MTRFR: variants seen among roughly 807,000 people sequenced by gnomAD.
MTRFR encodes the protein probable peptide chain release factor C12orf65, mitochondrial.
MTRFR carries 10 observed loss-of-function variants against 11.9 expected under a neutral mutation model. The observed-to-expected ratio is 0.84, with a 90% CI of 0.52 to 1.42. The LOEUF (loss-of-function observed/expected upper bound fraction) is 1.42. Ranked by LOEUF, MTRFR falls within the 40% of genes most tolerant of loss-of-function variation. The pLI, the probability that MTRFR is intolerant of heterozygous loss-of-function variation, is 0.00. For missense variants in MTRFR, 196 were observed against 197.9 expected (o/e 0.99, Z 0.06); for synonymous variants, 77 against 79.1 (o/e 0.97, Z 0.14).
intron 2 of MTRFR, 54 bp from the exon 3 acceptor site, chr12:123,256,754 GGTCCT>G: frequency 7.7e-7 from 1 of 1,296,064 alleles, no homozygotes; most frequent in Non-Finnish European, 1.1e-6. Context: ...TGACTTCTGA[GGTCCT>G]GTCCATTTTT....
intron 1 of MTRFR, among the ~76,000 whole-genome samples, chr12:123,252,867 G>C (rs1272832750): frequency 6.6e-6 from 1 of 152,084 alleles, no homozygotes; most frequent in African/African-American, 2.4e-5. Context: ...GGAGGTTGCA[G>C]TGAGCCAAGA....
chr12:123,244,416 G>A (rs2048001941), intron 1 of MTRFR, among the ~76,000 whole-genome samples: 1 of 151,770 alleles, frequency 6.6e-6, no homozygotes, highest in Admixed American at 6.6e-5. Flanking sequence ...TGGGCAGCAA[G>A]AGCGAAACTC....
chr12:123,234,586 G>C (rs1286327312), intron 1 of MTRFR, among the ~76,000 whole-genome samples: 2 of 152,016 alleles, frequency 1.3e-5, no homozygotes, highest in African/African-American at 4.8e-5. Flanking sequence ...TAGTAGAGAC[G>C]GGGTTTTGCC....
intron 1 of MTRFR, chr12:123,244,095 AAAAG>A (rs2047995087): frequency 6.6e-6 from 1 of 152,098 alleles, no homozygotes; most frequent in African/African-American, 2.4e-5. Context: ...TTCAAACACT[AAAAG>A]AAGCTATTTA....
Position 123,253,879 on chromosome 12 carries a change from G to C in MTRFR, c.205G>C (p.Gly69Arg), listed in dbSNP as rs200516874. 2.5e-6 allele frequency: 4 copies of C among 1,614,128 alleles called. No individual in the cohort carries two copies. Among genetic ancestry groups the C allele is most frequent in the Non-Finnish European group, 2.5e-6 (3 of 1,180,028 alleles). Residue 69 changes from glycine to arginine, a missense_variant, in exon 2 of 3, where the codon GGT becomes CGT. By Grantham distance (125) the Gly-to-Arg change is moderately radical. Transcript: ENST00000253233. The stretch of plus-strand genomic sequence containing the variant: ...CGAAGAGCAGTTTGTGAAAGGACAC[G>C]GTCCAGGGGGCCAGGCAACCAACAA... ...ELEEQFVKGH[G>R]PGGQATNKTS...
At chr12:123,244,930 A>ATTTTTTT (rs544105176) in intron 1 of MTRFR, among the ~76,000 whole-genome samples, 2,355 of 64,884 alleles carry the variant, frequency 0.036, 284 homozygotes, top group Admixed American at 0.047. Context: ...CGCACCCGGC[A>ATTTTTTT]TTTTTTTTTT....
intron 2 of MTRFR, 106 bp downstream of exon 2, chr12:123,254,062 T>G: frequency 7.0e-7 from 1 of 1,421,814 alleles, no homozygotes; most frequent in South Asian, 1.3e-5. Flanking sequence ...GCATTATTTT[T>G]CTGGCTTGGG....
At chr12:123,239,006 C>T (rs1156873983) in intron 1 of MTRFR, among the ~76,000 whole-genome samples, 1 of 152,204 alleles carries the variant, frequency 6.6e-6, no homozygotes, top group Admixed American at 6.5e-5. Flanking sequence ...TGCAGTGGCT[C>T]ACACCTGTAA....
At chr12:123,239,956 T>C (rs1015208724) in intron 1 of MTRFR, among the ~76,000 whole-genome samples, 19 of 152,196 alleles carry the variant, frequency 1.2e-4, no homozygotes, top group Middle Eastern at 3.4e-3. Context: ...CATCAAGCAA[T>C]GAACAGTCCT....
In MTRFR at chr12:123,256,966, A is replaced by C; in HGVS notation, c.436A>C (p.Lys146Gln). The C allele has an allele frequency of 1.9e-6, 3 of 1,612,830 alleles. No homozygotes were observed. The highest frequency in any genetic ancestry group is 2.5e-6 in the Non-Finnish European group (3 of 1,179,794). Residue 146 changes from lysine to glutamine, a missense_variant, in exon 3 of 3, where the codon AAG becomes CAG. Coordinates refer to ENST00000253233, the MANE Select transcript of MTRFR (RefSeq NM_152269.5). ...KKKQERKKRAKETLEKKKLLK... is the reference protein window; with the variant it reads ...KKKQERKKRAQETLEKKKLLK... ...AAAACAAGAAAGGAAAAAAAGAGCA[A>C]AGGAAACCCTGGAAAAAAAGAAGCT...
At chr12:123,238,332 G>A (rs756406769) in intron 1 of MTRFR, among the ~76,000 whole-genome samples, 6 of 152,144 alleles carry the variant, frequency 3.9e-5, no homozygotes, top group Non-Finnish European at 8.8e-5. Flanking sequence ...GTCTGTTTAA[G>A]CTCAATGTTG....
In MTRFR at chr12:123,243,653, C is replaced by A. The variant is rs529776120; in HGVS notation, c.-28-9994C>A. The stretch of plus-strand genomic sequence containing the variant: ...CCAGGAGGCGGAGGTTGCAGGGAGC[C>A]GAGATCGCGCCACTGTACTCCACCC... On this transcript the variant is annotated intron_variant, in intron 1 of 2. Transcript: ENST00000253233. Among the ~76,000 whole-genome samples, 672 of 152,048 alleles carry A rather than the reference C, an allele frequency of 4.4e-3. 7 individuals are homozygous for A. The highest frequency in any genetic ancestry group is 0.015 in the African/African-American group (618 of 41,448).
At chr12:123,246,394 A>G (rs1228907450) in intron 1 of MTRFR, among the ~76,000 whole-genome samples, 1 of 152,122 alleles carries the variant, frequency 6.6e-6, no homozygotes, top group Non-Finnish European at 1.5e-5. Flanking sequence ...CCCACTGCTC[A>G]TTCAGGAGCA....
intron 1 of MTRFR, chr12:123,250,290 T>C (rs1485337863): frequency 1.3e-5 from 2 of 152,226 alleles, no homozygotes; most frequent in Non-Finnish European, 2.9e-5. Context: ...CTTGTATCAT[T>C]TTTTGGATTT....
chr12:123,254,933 TAAAAAAAAA>T, intron 2 of MTRFR: 1 of 139,834 alleles, frequency 7.2e-6, no homozygotes, highest in East Asian at 2.1e-4. Flanking sequence ...GATTCCCTCT[TAAAAAAAAA>T]AAAAAGAAGG....
intron 1 of MTRFR, among the ~76,000 whole-genome samples, chr12:123,240,346 TA>T (rs558796452): frequency 1.7e-4 from 25 of 145,924 alleles, no homozygotes; most frequent in African/African-American, 3.5e-4. Context: ...AGACTCCGTC[TA>T]AAAAAAAAAG....
At chr12:123,238,846 A>T (rs2047889296) in intron 1 of MTRFR, among the ~76,000 whole-genome samples, 1 of 152,188 alleles carries the variant, frequency 6.6e-6, no homozygotes, top group South Asian at 2.1e-4. Context: ...TTTGGGTAGC[A>T]AGATTCTAGA....
At chr12:123,245,289 T>C (rs937191059) in intron 1 of MTRFR, among the ~76,000 whole-genome samples, 7 of 151,998 alleles carry the variant, frequency 4.6e-5, no homozygotes, top group South Asian at 4.1e-4. Context: ...TATGGCCTTA[T>C]AGTATAGTTT....
intron 1 of MTRFR, among the ~76,000 whole-genome samples, chr12:123,246,896 A>T (rs1429269831): frequency 6.6e-6 from 1 of 151,472 alleles, no homozygotes; most frequent in Non-Finnish European, 1.5e-5. Flanking sequence ...ACGCCCGGCT[A>T]ATTTTTGTAT....
Sources: allele counts gnomAD v4.1 joint callset (sites outside exome capture counted in the v4.1 genomes callset), GRCh38; gene constraint gnomAD v4.1.1; transcripts MANE v1.5; gene names NCBI Gene and HGNC (gene_info 2026-07-23, HGNC 2026-07-21).